The following IL13RA1 variants were observed in gnomAD, a reference collection of about 807,000 sequenced individuals.
IL13RA1 encodes interleukin 13 receptor subunit alpha 1.
In IL13RA1, 14 loss-of-function variants were observed where a neutral mutation model predicts 33.8. That is an observed-to-expected ratio of 0.41 (90% CI 0.27 to 0.65). The LOEUF (loss-of-function observed/expected upper bound fraction) is 0.65, where lower values mean the gene tolerates loss of function less well. Ranked by LOEUF, IL13RA1 falls within the 30% of genes least tolerant of loss-of-function variation. The pLI is 0.28. For missense variants in IL13RA1, 313 were observed against 327.0 expected (o/e 0.96, Z 0.33); for synonymous variants, 116 against 115.7 (o/e 1.00, Z -0.02).
At chrX:118,802,591 A>G in the IL13RA1 span, among the ~76,000 whole-genome samples, 1 of 111,976 alleles carries the variant, frequency 8.9e-6, no homozygotes, top group African/African-American at 3.2e-5. Context: ...TTGTGAAAAA[A>G]AAGGAGTAAG....
At chrX:118,748,571 G>C (rs1288427919) in intron 3 of IL13RA1, among the ~76,000 whole-genome samples, 2 of 109,553 alleles carry the variant, frequency 1.8e-5, no homozygotes, top group African/African-American at 6.6e-5. Flanking sequence ...GCTTGAACCT[G>C]GGAAGCAGAG....
At position 118,766,921 on chromosome X, in the gene IL13RA1, G is replaced by A. The variant is rs1456721850; in HGVS notation, c.954G>A (p.Lys318=). The change falls in exon 8 of 11, where the codon AAG becomes AAA. Residue 318 remains lysine (K), a synonymous_variant. Coordinates refer to ENST00000371666, the MANE Select transcript of IL13RA1 (RefSeq NM_001560.3). ...NTVRIRVKTN[K]LCYEDDKLWS... ...TCAGAATAAGAGTCAAAACAAATAA[G>A]TTATGCTATGAGGATGACAAACTCT... 4 of 1,111,932 alleles carry A rather than the reference G, an allele frequency of 3.6e-6. No homozygotes were observed. The highest frequency in any genetic ancestry group is 4.4e-5 in the Admixed American group (2 of 45,291). 91.6% of individuals were successfully genotyped at this position (1,111,932 alleles called of 1,213,427 possible).
the IL13RA1 span, among the ~76,000 whole-genome samples, chrX:118,804,395 A>T: frequency 1.9e-4 from 8 of 42,120 alleles, no homozygotes. Flanking sequence ...AGCCATGCAT[A>T]CACACACACA....
chrX:118,735,438 T>G (rs1415131845), intron 1 of IL13RA1, among the ~76,000 whole-genome samples: 1 of 112,405 alleles, frequency 8.9e-6, no homozygotes, highest in Non-Finnish European at 1.9e-5. Context: ...TCTTAATATG[T>G]GTTTATAGCT....
At chrX:118,764,857 C>T (rs1160344583) in intron 6 of IL13RA1, among the ~76,000 whole-genome samples, 3 of 111,627 alleles carry the variant, frequency 2.7e-5, no homozygotes, top group South Asian at 3.7e-4. Flanking sequence ...ACTGGTTTCT[C>T]GCTCCCTGTC....
chrX:118,731,604 T>C (rs1398187856), intron 1 of IL13RA1, among the ~76,000 whole-genome samples: 1 of 110,924 alleles, frequency 9.0e-6, no homozygotes, highest in East Asian at 2.8e-4. Flanking sequence ...AGCAACTCTT[T>C]AGAATTGTTT....
intron 2 of IL13RA1, among the ~76,000 whole-genome samples, 163 bp from the exon 3 acceptor site, chrX:118,746,791 G>A (rs938387871): frequency 1.4e-4 from 15 of 110,951 alleles, no homozygotes; most frequent in African/African-American, 3.6e-4. Flanking sequence ...AAATGTCTCT[G>A]AGAGCGGTAG....
At chrX:118,796,363 G>A (rs1050363150), downstream of IL13RA1, among the ~76,000 whole-genome samples, 4 of 111,723 alleles carry the variant, frequency 3.6e-5, no homozygotes, top group Non-Finnish European at 7.5e-5. Flanking sequence ...AAGCAAGTCA[G>A]CCTGACTTTA....
chrX:118,752,440 C>G (rs766924574), intron 4 of IL13RA1, among the ~76,000 whole-genome samples: 1 of 112,431 alleles, frequency 8.9e-6, no homozygotes, highest in East Asian at 2.8e-4. Flanking sequence ...CTAGGCCTTT[C>G]CTTTTCATTT....
intron 1 of IL13RA1, among the ~76,000 whole-genome samples, chrX:118,736,920 A>T (rs1187634207): frequency 1.8e-5 from 2 of 113,041 alleles, no homozygotes; most frequent in Non-Finnish European, 3.7e-5. Flanking sequence ...CACCATGCCC[A>T]GCCTCTGTAG....
intron 2 of IL13RA1, among the ~76,000 whole-genome samples, chrX:118,742,021 CCT>C (rs1461605107): frequency 9.0e-6 from 1 of 111,454 alleles, no homozygotes; most frequent in Non-Finnish European, 1.9e-5. Flanking sequence ...AATTGCTTAA[CCT>C]CTCTGAGCGT....
chrX:118,766,149 T>G (rs745536624), intron 6 of IL13RA1, among the ~76,000 whole-genome samples: 1 of 112,149 alleles, frequency 8.9e-6, no homozygotes, highest in African/African-American at 3.2e-5. Flanking sequence ...CTCTTTATGG[T>G]TAATATGGGA....
At chrX:118,728,205 C>G (rs780905900) in intron 1 of IL13RA1, among the ~76,000 whole-genome samples, 3 of 112,346 alleles carry the variant, frequency 2.7e-5, no homozygotes, top group Admixed American at 1.9e-4. Flanking sequence ...GCTCTTTGCC[C>G]GAGGCCGCGC....
intron 1 of IL13RA1, among the ~76,000 whole-genome samples, chrX:118,731,950 G>A (rs185981257): frequency 9.0e-6 from 1 of 111,596 alleles, no homozygotes; most frequent in East Asian, 2.8e-4. Context: ...ATATGTCTAG[G>A]CATGTTGTAT....
chrX:118,761,368 A>G (rs1301131872), intron 6 of IL13RA1, 79 bp downstream of exon 6: 2 of 475,240 alleles, frequency 4.2e-6, no homozygotes, highest in Admixed American at 4.0e-5. Context: ...TCAATGAAAC[A>G]TAGCTCTTAC....
intron 2 of IL13RA1, 132 bp from the exon 3 acceptor site, chrX:118,746,822 A>G (rs1055419357): frequency 1.1e-5 from 5 of 447,911 alleles, no homozygotes; most frequent in East Asian, 3.8e-5. Flanking sequence ...ATCAGCCCCA[A>G]TTGAGAATCA....
chrX:118,804,394 T>TACAC, the IL13RA1 span, among the ~76,000 whole-genome samples: 13,382 of 89,544 alleles, frequency 0.15, 1,052 homozygotes, highest in East Asian at 0.33. Flanking sequence ...CAGCCATGCA[T>TACAC]ACACACACAC....
At chrX:118,731,713 A>G (rs1201255782) in intron 1 of IL13RA1, among the ~76,000 whole-genome samples, 1 of 112,527 alleles carries the variant, frequency 8.9e-6, no homozygotes, top group Non-Finnish European at 1.9e-5. Context: ...TAATCCTCAT[A>G]ATAACCCTTT....
the IL13RA1 span, among the ~76,000 whole-genome samples, chrX:118,802,578 C>T: frequency 9.0e-6 from 1 of 111,205 alleles, no homozygotes; most frequent in Admixed American, 9.6e-5. Context: ...TCAGTTTGCT[C>T]ACTTGTGAAA....
Sources: gnomAD v4.1 joint callset for allele counts (sites outside exome capture counted in the v4.1 genomes callset) on GRCh38, gnomAD v4.1.1 for gene constraint, MANE v1.5 for transcripts, NCBI Gene and HGNC (gene_info 2026-07-23, HGNC 2026-07-21) for gene names.